RMDN1: variants seen among roughly 807,000 people sequenced by gnomAD.
RMDN1 encodes the protein regulator of microtubule dynamics 1.
Under a neutral mutation model 48.9 loss-of-function variants are expected in RMDN1, and 48 were observed. That is an observed-to-expected ratio of 0.98 (90% CI 0.78 to 1.25). RMDN1 has a LOEUF of 1.25. Ranked by LOEUF, RMDN1 falls within the 50% of genes most tolerant of loss-of-function variation. The pLI, the probability that RMDN1 is intolerant of heterozygous loss-of-function variation, is 0.00. For synonymous variants in RMDN1, 148 were observed against 132.6 expected, an observed-to-expected ratio of 1.12 and a Z score of -0.80; for missense variants, 418 against 373.4, an observed-to-expected ratio of 1.12 and a Z score of -0.98.
chr8:86,486,708 T>C, intron 3 of RMDN1, 65 bp from the exon 4 acceptor site: 3 of 1,297,334 alleles, frequency 2.3e-6, no homozygotes, highest in Non-Finnish European at 3.1e-6. Flanking sequence ...AAGGGTTACA[T>C]TACTAATGAA....
chr8:86,506,044 G>A (rs973163124), intron 2 of RMDN1, among the ~76,000 whole-genome samples: 1 of 152,176 alleles, frequency 6.6e-6, no homozygotes, highest in African/African-American at 2.4e-5. Flanking sequence ...GGAGTCAAGG[G>A]AAGGGAAAGT....
chr8:86,481,067 A>G (rs537362602), intron 5 of RMDN1, among the ~76,000 whole-genome samples: 2 of 152,190 alleles, frequency 1.3e-5, no homozygotes, highest in Non-Finnish European at 2.9e-5. Context: ...TTCATATTAA[A>G]AGGACTCTTT....
downstream of RMDN1, chr8:86,468,343 CG>C: frequency 2.2e-6 from 1 of 447,376 alleles, no homozygotes; most frequent in Non-Finnish European, 4.4e-6. Flanking sequence ...ATAGTAAAGA[CG>C]AAAGAAAGGC....
intron 2 of RMDN1, chr8:86,504,611 C>T (rs1586780433): frequency 4.2e-6 from 4 of 946,298 alleles, no homozygotes; most frequent in East Asian, 4.8e-5. Flanking sequence ...GGAGGGATGG[C>T]TTTTTGTTCC....
At chr8:86,468,555 A>G (rs1563564225), downstream of RMDN1, 11 of 423,636 alleles carry the variant, frequency 2.6e-5, no homozygotes, top group Non-Finnish European at 5.1e-5. Context: ...ACTGCTGTAT[A>G]AATTTTGCCA....
chr8:86,503,344 T>C, intron 2 of RMDN1, among the ~76,000 whole-genome samples: 1 of 109,996 alleles, frequency 9.1e-6, no homozygotes, highest in African/African-American at 3.4e-5. Flanking sequence ...AGAGCAAGAC[T>C]CCGTCTCAAA....
intron 2 of RMDN1, among the ~76,000 whole-genome samples, chr8:86,495,512 T>C (rs139067841): frequency 2.5e-4 from 38 of 152,244 alleles, no homozygotes; most frequent in Non-Finnish European, 3.2e-4. Flanking sequence ...TAGGTGGTCT[T>C]AGCCTTTATT....
At chr8:86,481,910 G>C in intron 5 of RMDN1, 1 of 774,906 alleles carries the variant, frequency 1.3e-6, no homozygotes. Flanking sequence ...GGGGTGGCTC[G>C]GCCAGACACG....
Position 86,473,021 on chromosome 8 carries a change from A to G in RMDN1, c.*1287T>C. 1 of 745,920 alleles carries G rather than the reference A, an allele frequency of 1.3e-6. No individual in the cohort carries two copies. The highest frequency in any genetic ancestry group is 1.6e-6 in the Non-Finnish European group (1 of 611,968). The allele number at this position is 745,920 out of a possible 1,614,324, so 46.2% of individuals were successfully genotyped here. ...ATTGTGTGTATGCAGGTATTCCAAAATTTGGAAAAACATCCCAAATCCAAG... is the reference window on the plus strand; with the variant it reads ...ATTGTGTGTATGCAGGTATTCCAAAGTTTGGAAAAACATCCCAAATCCAAG... On this transcript the variant is annotated 3_prime_UTR_variant, in exon 10 of 10. Transcript: ENST00000406452.
Position 86,473,460 on chromosome 8 carries a change from A to G in RMDN1, c.*848T>C. 1 of 985,228 alleles carries G rather than the reference A, an allele frequency of 1.0e-6. No homozygotes were observed. Among genetic ancestry groups the G allele is most frequent in the Non-Finnish European group, 1.2e-6 (1 of 829,906 alleles). The allele number at this position is 985,228 out of a possible 1,614,324, so 61.0% of individuals were successfully genotyped here. A position where few individuals can be genotyped will look rare whatever the true frequency, so the allele number is the denominator to read the frequency against. ...GATGACAAATTCAGTTTACCATGAGACTACACCACATTTAAAGTAAACTGG... is the reference window on the plus strand; with the variant it reads ...GATGACAAATTCAGTTTACCATGAGGCTACACCACATTTAAAGTAAACTGG... On this transcript the variant is annotated 3_prime_UTR_variant, in exon 10 of 10. Coordinates refer to ENST00000406452, the MANE Select transcript of RMDN1 (RefSeq NM_016033.3).
intron 9 of RMDN1, 171 bp downstream of exon 9, chr8:86,474,649 A>C (rs2130435020): frequency 1.3e-6 from 1 of 781,994 alleles, no homozygotes; most frequent in East Asian, 2.7e-5. Flanking sequence ...ATAGTAACTA[A>C]ATTATTTCCT....
chr8:86,474,716 A>C (rs946989009), intron 9 of RMDN1, 104 bp downstream of exon 9: 1 of 1,053,664 alleles, frequency 9.5e-7, no homozygotes, highest in African/African-American at 1.6e-5. Context: ...CTTGTTTTCA[A>C]CAATATTATG....
intron 2 of RMDN1, among the ~76,000 whole-genome samples, chr8:86,499,721 C>T (rs1390129056): frequency 6.6e-6 from 1 of 152,096 alleles, no homozygotes; most frequent in Non-Finnish European, 1.5e-5. Context: ...CAAAAAAGAG[C>T]CCAAATAGCC....
At chr8:86,505,290 G>A in intron 2 of RMDN1, 1 of 485,056 alleles carries the variant, frequency 2.1e-6, no homozygotes, top group East Asian at 6.8e-5. Flanking sequence ...GAGAGACCAA[G>A]TGAACCTACC....
chr8:86,470,862 T>C (rs1048312001), downstream of RMDN1, among the ~76,000 whole-genome samples: 3 of 151,968 alleles, frequency 2.0e-5, no homozygotes, highest in Non-Finnish European at 2.9e-5. Context: ...GAGTTAGGGA[T>C]GGGTGGGGGA....
In RMDN1 at chr8:86,474,219, T is replaced by C; in HGVS notation, c.*89A>G. 2 of 1,568,150 alleles carry C rather than the reference T, an allele frequency of 1.3e-6. No individual in the cohort carries two copies. ...AATGGTCACAACATTTAAAAAGCCG[T>C]AGAACAGTTATAGTTCATATATTAA... On this transcript the variant is annotated 3_prime_UTR_variant, in exon 10 of 10. Coordinates refer to ENST00000406452, the MANE Select transcript of RMDN1 (RefSeq NM_016033.3).
rs760462378 is a variant in RMDN1, at chr8:86,484,926, A to T, written c.531T>A (p.Tyr177Ter). ...TTGCAATTTTAGCCTTGATGCCTTC[A>T]TAATCTCCAACATCACTAAGGCAGA... is the stretch of plus-strand genomic sequence containing the variant. The part of the protein sequence containing the change: ...YAICLSDVGD[Y>*]EGIKAKIANA... Residue 177 changes from tyrosine to a stop codon, truncating the protein, a stop_gained, in exon 5 of 10, where the codon TAT becomes TAA. Transcript: ENST00000406452. LOFTEE classifies it high-confidence loss of function. The T allele has an allele frequency of 1.3e-5, 21 of 1,608,092 alleles. No individual in the cohort carries two copies. Among genetic ancestry groups the T allele is most frequent in the Non-Finnish European group, 1.7e-5 (20 of 1,176,236 alleles).
At chr8:86,482,167 T>C (rs1214022034) in intron 5 of RMDN1, 4 of 452,054 alleles carry the variant, frequency 8.8e-6, no homozygotes, top group South Asian at 2.9e-5. Context: ...TTTGGGAGGC[T>C]GAGGTGGGCA....
At chr8:86,490,462 C>T (rs1381851864) in intron 2 of RMDN1, among the ~76,000 whole-genome samples, 1 of 152,144 alleles carries the variant, frequency 6.6e-6, no homozygotes, top group African/African-American at 2.4e-5. Flanking sequence ...TGGTTCTGAA[C>T]ATGGAGGAAG....
Sources: allele counts gnomAD v4.1 joint callset (sites outside exome capture counted in the v4.1 genomes callset), GRCh38; gene constraint gnomAD v4.1.1; transcripts MANE v1.5; gene names NCBI Gene and HGNC (gene_info 2026-07-23, HGNC 2026-07-21).